SLC66A3: variants seen among roughly 807,000 people sequenced by gnomAD.
SLC66A3 encodes the protein solute carrier family 66 member 3.
SLC66A3 carries 23 observed loss-of-function variants against 25.5 expected under a neutral mutation model. The observed-to-expected ratio is 0.90, with a 90% CI of 0.65 to 1.28. The LOEUF (loss-of-function observed/expected upper bound fraction) is 1.28. Among genes scored for constraint, SLC66A3 ranks in the 50% most tolerant of loss-of-function variants. The pLI is 0.00. For synonymous variants in SLC66A3, 108 were observed against 112.6 expected, an observed-to-expected ratio of 0.96 and a Z score of 0.26; for missense variants, 246 against 262.1, an observed-to-expected ratio of 0.94 and a Z score of 0.42.
In SLC66A3 at chr2:11,160,612, C is replaced by G. The variant is rs961419805; in HGVS notation, c.227-13C>G. The G allele has an allele frequency of 6.2e-7, 1 of 1,614,138 alleles. No individual in the cohort carries two copies. The highest frequency in any genetic ancestry group is 8.5e-7 in the Non-Finnish European group (1 of 1,179,994). On this transcript the variant is annotated splice_polypyrimidine_tract_variant and intron_variant, in intron 2 of 6. Transcript: ENST00000295083. ...CTCCCCTTCCCCCCTCACTCGGAGC[C>G]TCTCTCTTTCAGATGTCATCCTCCT...
intron 4 of SLC66A3, among the ~76,000 whole-genome samples, chr2:11,168,379 A>G (rs1223453962): frequency 1.6e-4 from 25 of 152,022 alleles, no homozygotes; most frequent in Admixed American, 1.6e-3. Context: ...CATAGTCTCC[A>G]ATTGAATTAA....
intron 4 of SLC66A3, among the ~76,000 whole-genome samples, chr2:11,171,373 T>C (rs1208539648): frequency 1.3e-5 from 2 of 152,146 alleles, no homozygotes; most frequent in Admixed American, 1.3e-4. Context: ...TCACCAAACT[T>C]AGGTTTCAAC....
At chr2:11,170,031 G>A (rs982110117) in intron 4 of SLC66A3, among the ~76,000 whole-genome samples, 4 of 151,914 alleles carry the variant, frequency 2.6e-5, no homozygotes, top group African/African-American at 9.7e-5. Flanking sequence ...TAGAGATGGG[G>A]TTTCACCATG....
chr2:11,170,592 CTT>C (rs35403631), intron 4 of SLC66A3, among the ~76,000 whole-genome samples: 5 of 144,538 alleles, frequency 3.5e-5, no homozygotes, highest in African/African-American at 5.1e-5. Context: ...TATCTCAGTA[CTT>C]TTTTTTTTTT....
chr2:11,177,682 G>C, intron 6 of SLC66A3, 55 bp from the exon 7 acceptor site: 1 of 1,075,474 alleles, frequency 9.3e-7, no homozygotes, highest in Non-Finnish European at 1.4e-6. Flanking sequence ...AGCAGGAGGT[G>C]GTTTTGGTCT....
At chr2:11,163,974 CTT>C (rs1662215531) in intron 3 of SLC66A3, among the ~76,000 whole-genome samples, 1 of 152,150 alleles carries the variant, frequency 6.6e-6, no homozygotes, top group African/African-American at 2.4e-5. Context: ...GCGTGGGTGT[CTT>C]TGTATTTCTC....
intron 1 of SLC66A3, among the ~76,000 whole-genome samples, chr2:11,157,623 C>G (rs76082732): frequency 0.086 from 13,136 of 152,314 alleles, 1,441 homozygotes; most frequent in African/African-American, 0.25. Flanking sequence ...AGTCAGCCAC[C>G]TGGAGGGCAC....
intron 6 of SLC66A3, 58 bp from the exon 7 acceptor site, chr2:11,177,678 AG>A (rs1662808898): frequency 6.0e-6 from 6 of 1,005,424 alleles, no homozygotes. Context: ...TTTGAGCAGG[AG>A]GTGGTTTTGG....
intron 3 of SLC66A3, among the ~76,000 whole-genome samples, chr2:11,162,593 CTTTTAT>C (rs1276673844): frequency 6.6e-6 from 1 of 152,184 alleles, no homozygotes; most frequent in East Asian, 1.9e-4. Flanking sequence ...TTAATGAATA[CTTTTAT>C]TTTTATTTTA....
rs779703202 is a variant in SLC66A3 at position 11,160,483 on chromosome 2, G to A, written c.161G>A (p.Arg54Gln). ...CTCTCCAGATTCCTGGTGTTTCTGCGGTACCAGTGTTACTATGGGTATCCG... is the reference window on the plus strand; with the variant it reads ...CTCTCCAGATTCCTGGTGTTTCTGCAGTACCAGTGTTACTATGGGTATCCG... ...LELAGFLVFLRYQCYYGYPPL... is the reference protein window; with the variant it reads ...LELAGFLVFLQYQCYYGYPPL... The change falls in exon 2 of 7, where the codon CGG becomes CAG. Residue 54 changes from arginine to glutamine, a missense_variant. This residue lies in a region of SLC66A3 where 142 missense variants were observed against 130.3 expected (regional missense o/e 1.09). Transcript: ENST00000295083. 4.3e-5 allele frequency: 70 copies of A among 1,613,956 alleles called. No homozygotes were observed. Among genetic ancestry groups the A allele is most frequent in the East Asian group, 2.7e-4 (12 of 44,886 alleles).
chr2:11,165,797 C>T (rs1009709750), intron 4 of SLC66A3, among the ~76,000 whole-genome samples: 11 of 152,330 alleles, frequency 7.2e-5, no homozygotes, highest in African/African-American at 1.7e-4. Flanking sequence ...GCAGATCACT[C>T]GCGGTTAGGG....
At chr2:11,165,546 A>C (rs1360052168) in intron 4 of SLC66A3, among the ~76,000 whole-genome samples, 1 of 150,522 alleles carries the variant, frequency 6.6e-6, no homozygotes, top group African/African-American at 2.5e-5. Context: ...GCAGCCGGGC[A>C]GAGGGGCTCC....
intron 4 of SLC66A3, 84 bp downstream of exon 4, chr2:11,164,345 A>ATATATATATATTTT: frequency 1.7e-4 from 16 of 92,748 alleles, no homozygotes; most frequent in East Asian, 1.1e-3. Context: ...ATATATATAT[A>ATATATATATATTTT]TTTTTTTTTT....
At chr2:11,169,361 T>C (rs1234440683) in intron 4 of SLC66A3, among the ~76,000 whole-genome samples, 1 of 152,218 alleles carries the variant, frequency 6.6e-6, no homozygotes, top group Non-Finnish European at 1.5e-5. Flanking sequence ...GTGTTCCCCA[T>C]GAGCTTTCCT....
chr2:11,168,651 C>T (rs1269404315), intron 4 of SLC66A3, among the ~76,000 whole-genome samples: 6 of 152,146 alleles, frequency 3.9e-5, no homozygotes, highest in Non-Finnish European at 8.8e-5. Context: ...GAGCCCTCCC[C>T]TGCAGTCCTC....
chr2:11,159,121 G>T (rs115451724), intron 1 of SLC66A3, among the ~76,000 whole-genome samples: 1,670 of 152,376 alleles, frequency 0.011, 17 homozygotes, highest in Middle Eastern at 0.027. Flanking sequence ...CTGGCCTGTG[G>T]ACTGTGGCTG....
intron 5 of SLC66A3, chr2:11,172,790 A>G (rs1395265029): frequency 2.3e-6 from 1 of 432,228 alleles, no homozygotes. Context: ...CAGTGATACG[A>G]TCTTCACTCA....
Position 11,163,789 on chromosome 2 carries a change from A to G in SLC66A3, c.297-415A>G, listed in dbSNP as rs577768746. On this transcript the variant is annotated intron_variant, in intron 3 of 6. Coordinates refer to ENST00000295083, the MANE Select transcript of SLC66A3 (RefSeq NM_152391.5). ...GAGTTTGTGGGGAAAGGTGGAAGTC[A>G]GTAAACAGAAATTCACATCACAGCA... Among the ~76,000 whole-genome samples, 5 of 152,372 alleles carry G rather than the reference A, an allele frequency of 3.3e-5. No individual in the cohort carries two copies. The East Asian group carries it at 9.6e-4, about 29-fold the overall frequency.
Position 11,177,720 on chromosome 2 carries a change from T to A in SLC66A3, c.518-17T>A, listed in dbSNP as rs750196329. ...ATTGTAAAGACAGTTTTTAATACAC[T>A]TTTTTTTTTATTTCAGTTCTTCTAC... is the stretch of plus-strand genomic sequence containing the variant. On this transcript the variant is annotated splice_polypyrimidine_tract_variant and intron_variant, in intron 6 of 6. Transcript: ENST00000295083. The A allele has an allele frequency of 7.9e-7, 1 of 1,263,950 alleles. No homozygotes were observed. The highest frequency in any genetic ancestry group is 1.5e-5 in the African/African-American group (1 of 65,570). 78.3% of individuals were successfully genotyped at this position (1,263,950 alleles called of 1,614,324 possible).
Sources: allele counts gnomAD v4.1 joint callset (sites outside exome capture counted in the v4.1 genomes callset), GRCh38; gene constraint gnomAD v4.1.1; regional missense constraint gnomAD v4.1.1; transcripts MANE v1.5; gene names NCBI Gene and HGNC (gene_info 2026-07-23, HGNC 2026-07-21).